The following UBXN11 variants were observed in gnomAD, a reference collection of about 807,000 sequenced individuals.
The protein encoded by UBXN11 is UBX domain protein 11.
In UBXN11, 47 loss-of-function variants were observed where a neutral mutation model predicts 62.8. The observed-to-expected ratio is 0.75, with a 90% CI of 0.59 to 0.95. The LOEUF (loss-of-function observed/expected upper bound fraction) is 0.95. Ranked by LOEUF, UBXN11 falls within the 40% of genes least tolerant of loss-of-function variation. The pLI, the probability that UBXN11 is intolerant of heterozygous loss-of-function variation, is 0.00. For missense variants in UBXN11, 638 were observed against 661.7 expected (o/e 0.96, Z 0.39); for synonymous variants, 294 against 267.0 (o/e 1.10, Z -0.99).
chr1:26,284,473 A>G lies in UBXN11; in HGVS notation c.862T>C (p.Leu288=). The part of the protein sequence containing the change: ...PNGVPFKVSD[L]RNQVYLEDGL... ...TCCTCCAGGTAGACCTGATTGCGCAAGTCACTCACCTGGCAAGAAAGAAGG... is the reference window on the plus strand; with the variant it reads ...TCCTCCAGGTAGACCTGATTGCGCAGGTCACTCACCTGGCAAGAAAGAAGG... The change falls in exon 11 of 15, where the codon TTG becomes CTG. Residue 288 remains leucine, a synonymous_variant. Transcript: ENST00000374222. 6.3e-7 allele frequency: 1 copy of G among 1,598,096 alleles called. No individual in the cohort carries two copies. Among genetic ancestry groups the G allele is most frequent in the Non-Finnish European group, 8.6e-7 (1 of 1,168,836 alleles).
chr1:26,287,356 G>A (rs866959147), intron 8 of UBXN11, among the ~76,000 whole-genome samples: 7 of 152,134 alleles, frequency 4.6e-5, no homozygotes, highest in South Asian at 2.1e-4. Context: ...GGGAGAATAC[G>A]GAGCGGTGGG....
At position 26,283,150 on chromosome 1, in the gene UBXN11, C is replaced by T. The variant is rs548283007; in HGVS notation, c.1078-213G>A. ...CCATGGTTCCCCCCAGGTAACCCCC[C>T]GTTTCAGTCTAATGGAGACAGAACC... On this transcript the variant is annotated intron_variant, in intron 12 of 14. Transcript: ENST00000374222. Among the ~76,000 whole-genome samples, 17 of 152,130 alleles carry T rather than the reference C, an allele frequency of 1.1e-4. 1 individual carries two copies. Among genetic ancestry groups the T allele is most frequent in the African/African-American group, 3.9e-4 (16 of 41,504 alleles).
rs1557677446 is a variant in UBXN11, at chr1:26,282,358, T to TGGGGCCGGGACCGGGACCGGGACC, written c.1503_1504insGGTCCCGGTCCCGGTCCCGGCCCC (p.Pro501_Ser502insGlyProGlyProGlyProGlyPro). ...CTGGGGCCGGGACCGGGACCGGGAC[T>TGGGGCCGGGACCGGGACCGGGACC]GGGGCCGGGACCGGGACCGGGACTG... On this transcript the variant is annotated inframe_insertion, in exon 15 of 15. Coordinates refer to ENST00000374222, the MANE Select transcript of UBXN11 (RefSeq NM_001389556.1). The TGGGGCCGGGACCGGGACCGGGACC allele has an allele frequency of 7.5e-4, 155 of 207,508 alleles. 2 individuals are homozygous for TGGGGCCGGGACCGGGACCGGGACC. In the Middle Eastern group the frequency reaches 0.011, roughly 15 times the overall value. 12.9% of individuals were successfully genotyped at this position (207,508 alleles called of 1,614,324 possible). A position where few individuals can be genotyped will look rare whatever the true frequency, so the allele number is the denominator to read the frequency against.
At chr1:26,310,237 C>T (rs1293861854), upstream of UBXN11, among the ~76,000 whole-genome samples, 1 of 152,090 alleles carries the variant, frequency 6.6e-6, no homozygotes, top group African/African-American at 2.4e-5. Flanking sequence ...CCTGTCTCTA[C>T]TAAAAAATAC....
intron 1 of UBXN11, among the ~76,000 whole-genome samples, chr1:26,304,786 C>A (rs2073623576): frequency 6.6e-6 from 1 of 151,994 alleles, no homozygotes; most frequent in Admixed American, 6.6e-5. Flanking sequence ...ATATAGGTGA[C>A]CTGGTCCCTG....
At chr1:26,293,087 C>T (rs1197767481) in intron 8 of UBXN11, among the ~76,000 whole-genome samples, 2 of 152,148 alleles carry the variant, frequency 1.3e-5, no homozygotes, top group Admixed American at 1.3e-4. Flanking sequence ...CCGTGGGACC[C>T]CTGCCCTCAG....
chr1:26,308,692 G>A (rs932263233), upstream of UBXN11, among the ~76,000 whole-genome samples: 1 of 152,190 alleles, frequency 6.6e-6, no homozygotes, highest in Middle Eastern at 3.2e-3. Context: ...CCTTGCTCAT[G>A]GAGATAAGCA....
chr1:26,317,857 C>CCA (rs2073814845), intron 1 of UBXN11: 2 of 632,750 alleles, frequency 3.2e-6, no homozygotes, highest in Non-Finnish European at 2.8e-6. Context: ...AGAAAGGAAG[C>CCA]CACACCCCTC....
rs11803933 is a variant in UBXN11 at position 26,302,974 on chromosome 1, G to T, written c.-35-56C>A. 15 of 1,299,728 alleles carry T rather than the reference G, an allele frequency of 1.2e-5. No individual in the cohort carries two copies. In the East Asian group the frequency reaches 1.6e-4, roughly 14 times the overall value. The allele number at this position is 1,299,728 out of a possible 1,614,324, so 80.5% of individuals were successfully genotyped here. A position where few individuals can be genotyped will look rare whatever the true frequency, so the allele number is the denominator to read the frequency against. On this transcript the variant is annotated intron_variant, in intron 1 of 14. Coordinates refer to ENST00000374222, the MANE Select transcript of UBXN11 (RefSeq NM_001389556.1). Reference sequence around the variant, plus strand: ...GACAGACTCAGGGCTCCAAGCCCAGGGGGTAGCCTGAAGTTTCCACTTCCC... The same window carrying T: ...GACAGACTCAGGGCTCCAAGCCCAGTGGGTAGCCTGAAGTTTCCACTTCCC...
Position 26,294,342 on chromosome 1 carries a change from G to A in UBXN11, c.433-11C>T, listed in dbSNP as rs201809760. On this transcript the variant is annotated splice_polypyrimidine_tract_variant and intron_variant, in intron 7 of 14. Transcript: ENST00000374222. ...GTCACTGAGGAACCGCTGTGGGAAA[G>A]AAGGGGGAGATGCGGGGCACCGTCA... The A allele has an allele frequency of 5.2e-5, 79 of 1,512,112 alleles. No homozygotes were observed. The East Asian group carries it at 1.7e-3, about 33-fold the overall frequency. 93.7% of individuals were successfully genotyped at this position (1,512,112 alleles called of 1,614,324 possible).
In UBXN11 at chr1:26,282,698, GCAT is replaced by G; in HGVS notation, c.1240_1242del (p.Met414del). On this transcript the variant is annotated inframe_deletion, in exon 14 of 15. Transcript: ENST00000374222. Reference sequence around the variant, plus strand: ...ACGTCCCCAATGGTGTTGTCAGGCTGCATCATCAGTAGGAAGGCCTGTTCCCCA... The same window carrying G: ...ACGTCCCCAATGGTGTTGTCAGGCTGCATCAGTAGGAAGGCCTGTTCCCCA... The G allele has an allele frequency of 6.2e-7, 1 of 1,614,166 alleles. No homozygotes were observed. Among genetic ancestry groups the G allele is most frequent in the Non-Finnish European group, 8.5e-7 (1 of 1,180,038 alleles).
Position 26,282,521 on chromosome 1 carries a change from G to C in UBXN11, c.1341C>G (p.Thr447=). ...GCGTGAGTGTATCGTCCTGGTAGAGGGTGGGCGGGAATGTGCTGAAGATCT... is the reference window on the plus strand; with the variant it reads ...GCGTGAGTGTATCGTCCTGGTAGAGCGTGGGCGGGAATGTGCTGAAGATCT... The part of the protein sequence containing the change: ...AFEIFSTFPP[T]LYQDDTLTLQ... The change falls in exon 15 of 15, where the codon ACC becomes ACG. Residue 447 remains threonine (T), a synonymous_variant. Transcript: ENST00000374222. 3.1e-6 allele frequency: 5 copies of C among 1,597,928 alleles called. No homozygotes were observed. The highest frequency in any genetic ancestry group is 4.3e-6 in the Non-Finnish European group (5 of 1,169,064).
chr1:26,311,201 G>A (rs938940072), upstream of UBXN11, among the ~76,000 whole-genome samples: 5 of 149,668 alleles, frequency 3.3e-5, no homozygotes, highest in African/African-American at 7.4e-5. Context: ...GTGCAGTGAC[G>A]TGATCTCAGC....
At chr1:26,284,594 C>T in intron 10 of UBXN11, 112 bp from the exon 11 acceptor site, 1 of 1,422,530 alleles carries the variant, frequency 7.0e-7, no homozygotes, top group Non-Finnish European at 9.2e-7. Flanking sequence ...AATGCAACCC[C>T]CATTTTACAT....
chr1:26,290,025 A>G (rs1222921121), intron 8 of UBXN11, among the ~76,000 whole-genome samples: 1 of 152,222 alleles, frequency 6.6e-6, no homozygotes, highest in Non-Finnish European at 1.5e-5. Flanking sequence ...GACTGGCAGG[A>G]TCTGAACTCA....
chr1:26,301,834 A>G (rs1456591732), intron 2 of UBXN11, 112 bp from the exon 3 acceptor site: 15 of 1,427,876 alleles, frequency 1.1e-5, no homozygotes, highest in Non-Finnish European at 1.4e-5. Flanking sequence ...AGATGGAAGC[A>G]GGGCCTCTAA....
intron 8 of UBXN11, among the ~76,000 whole-genome samples, chr1:26,287,867 T>C (rs2073167389): frequency 6.6e-6 from 1 of 150,874 alleles, no homozygotes; most frequent in South Asian, 2.1e-4. Flanking sequence ...CTAAAAACAA[T>C]AGCAGAATAG....
At chr1:26,317,635 C>G (rs1453512969) in intron 1 of UBXN11, among the ~76,000 whole-genome samples, 1 of 152,132 alleles carries the variant, frequency 6.6e-6, no homozygotes, top group Non-Finnish European at 1.5e-5. Context: ...GTTAAAGGGT[C>G]AGAGAGGTAG....
chr1:26,309,242 T>C (rs1263280597), upstream of UBXN11, among the ~76,000 whole-genome samples: 6 of 85,370 alleles, frequency 7.0e-5, no homozygotes, highest in East Asian at 4.4e-4. Flanking sequence ...CCCGAGTCAA[T>C]TGATTTTTTT....
Sources: gnomAD v4.1 joint callset for allele counts (sites outside exome capture counted in the v4.1 genomes callset) on GRCh38, gnomAD v4.1.1 for gene constraint, MANE v1.5 for transcripts, NCBI Gene and HGNC (gene_info 2026-07-23, HGNC 2026-07-21) for gene names.